Variants in KLHL26 observed in about 807,000 individuals in gnomAD.
The protein encoded by KLHL26 is kelch like family member 26.
KLHL26 carries 4 observed loss-of-function variants against 7.1 expected under a neutral mutation model. That is an observed-to-expected ratio of 0.56 (90% confidence interval 0.28 to 1.28). The LOEUF (loss-of-function observed/expected upper bound fraction) is 1.28, where lower values mean the gene tolerates loss of function less well. KLHL26 is among the 50% of genes most tolerant of loss of function. KLHL26 has a pLI of 0.11. For synonymous variants in KLHL26, 465 were observed against 414.1 expected (o/e 1.12, Z -1.49); for missense variants, 896 against 924.6 (o/e 0.97, Z 0.40).
chr19:18,665,150 G>A (rs1052419250), intron 2 of KLHL26, among the ~76,000 whole-genome samples: 14 of 151,492 alleles, frequency 9.2e-5, no homozygotes, highest in African/African-American at 3.2e-4. Flanking sequence ...TCCGCCTCCC[G>A]GGTTCAAGCG....
intron 1 of KLHL26, among the ~76,000 whole-genome samples, chr19:18,652,525 G>A (rs1600693415): frequency 6.7e-6 from 1 of 149,352 alleles, no homozygotes; most frequent in African/African-American, 2.5e-5. Context: ...GGGAGGTGGA[G>A]GTTGCAGAGA....
In KLHL26 at chr19:18,669,408, C is replaced by A. The variant is rs1372966077; in HGVS notation, c.*163C>A. The A allele has an allele frequency of 3.3e-6, 2 of 611,720 alleles. No individual in the cohort carries two copies. Among genetic ancestry groups the A allele is most frequent in the Admixed American group, 3.0e-5 (1 of 33,588 alleles). The allele number at this position is 611,720 out of a possible 1,614,324, so 37.9% of individuals were successfully genotyped here. A position where few individuals can be genotyped will look rare whatever the true frequency, so the allele number is the denominator to read the frequency against. ...CCCTCCCAGGGGTCCCTCCCTCCCT[C>A]CTTCCCAAAGCAGATCCTGGCTGCG... On this transcript the variant is annotated 3_prime_UTR_variant, in exon 3 of 3. Coordinates refer to ENST00000300976, the MANE Select transcript of KLHL26 (RefSeq NM_018316.3).
intron 1 of KLHL26, among the ~76,000 whole-genome samples, chr19:18,645,288 C>T (rs537504493): frequency 1.3e-5 from 2 of 152,318 alleles, no homozygotes; most frequent in African/African-American, 2.4e-5. Flanking sequence ...TCTGGGGAGT[C>T]GCACCTCCCC....
chr19:18,642,382 T>TGTGTGTGTGTGTGTGTG (rs71168756), intron 1 of KLHL26, among the ~76,000 whole-genome samples: 21 of 150,404 alleles, frequency 1.4e-4, no homozygotes, highest in Middle Eastern at 3.4e-3. Flanking sequence ...TGTGTGTGTG[T>TGTGTGTGTGTGTGTGTG]TTGAGATGGA....
intron 1 of KLHL26, among the ~76,000 whole-genome samples, chr19:18,655,358 T>C (rs1487130674): frequency 6.6e-6 from 1 of 152,200 alleles, no homozygotes; most frequent in Non-Finnish European, 1.5e-5. Flanking sequence ...ATCTGTGTGA[T>C]GGTCACGATC....
At chr19:18,665,596 G>C (rs2052439654) in intron 2 of KLHL26, among the ~76,000 whole-genome samples, 1 of 152,222 alleles carries the variant, frequency 6.6e-6, no homozygotes, top group South Asian at 2.1e-4. Context: ...GTCTCCCTGA[G>C]CTGTGGGCAC....
At chr19:18,655,133 C>A (rs987667019) in intron 1 of KLHL26, among the ~76,000 whole-genome samples, 2 of 152,138 alleles carry the variant, frequency 1.3e-5, no homozygotes, top group African/African-American at 4.8e-5. Flanking sequence ...GCTCTCCCAG[C>A]GGGACCTGGC....
At position 18,664,636 on chromosome 19, in the gene KLHL26, C is replaced by T. The variant is rs2052428370; in HGVS notation, c.266+193C>T. 2.0e-5 allele frequency among the ~76,000 whole-genome samples: 3 copies of T among 151,916 alleles called. 1 individual carries two copies. The South Asian group carries it at 6.2e-4, about 32-fold the overall frequency. ...TCGCGCTGTTGCCCAGGCTGGAGTG[C>T]AGTGGCACAATCTCGGCTCACTGCA... On this transcript the variant is annotated intron_variant, in intron 2 of 2. Coordinates refer to ENST00000300976, the MANE Select transcript of KLHL26 (RefSeq NM_018316.3).
At position 18,656,535 on chromosome 19, in the gene KLHL26, G is replaced by T. The variant is rs1192429853; in HGVS notation, c.84-7726G>T. ...GTCCCCACCCAGCAGGCACAGACAG[G>T]CTGAAGCCAAGGACAGACAGGCAGG... On this transcript the variant is annotated intron_variant, in intron 1 of 2. Transcript: ENST00000300976. This position sits in a 1 kb window ranked among gnomAD's most constrained non-coding sequence, Gnocchi z 4.4. 6.6e-6 allele frequency among the ~76,000 whole-genome samples: 1 copy of T among 152,140 alleles called. No individual in the cohort carries two copies. Among genetic ancestry groups the T allele is most frequent in the Admixed American group, 6.5e-5 (1 of 15,274 alleles).
intron 1 of KLHL26, among the ~76,000 whole-genome samples, chr19:18,661,646 G>C (rs986341490): frequency 2.6e-5 from 4 of 152,012 alleles, no homozygotes; most frequent in Non-Finnish European, 5.9e-5. Context: ...CTCCTTTAAG[G>C]GTGGTTAGCT....
Position 18,669,411 on chromosome 19 carries a change from T to A in KLHL26, c.*166T>A. 1 of 604,532 alleles carries A rather than the reference T, an allele frequency of 1.7e-6. No individual in the cohort carries two copies. The highest frequency in any genetic ancestry group is 2.9e-6 in the Non-Finnish European group (1 of 343,074). 37.4% of individuals were successfully genotyped at this position (604,532 alleles called of 1,614,324 possible). On this transcript the variant is annotated 3_prime_UTR_variant, in exon 3 of 3. Transcript: ENST00000300976. Reference sequence around the variant, plus strand: ...TCCCAGGGGTCCCTCCCTCCCTCCTTCCCAAAGCAGATCCTGGCTGCGAGT... The same window carrying A: ...TCCCAGGGGTCCCTCCCTCCCTCCTACCCAAAGCAGATCCTGGCTGCGAGT...
chr19:18,651,784 C>A (rs917134084), intron 1 of KLHL26, among the ~76,000 whole-genome samples: 1 of 152,262 alleles, frequency 6.6e-6, no homozygotes, highest in Non-Finnish European at 1.5e-5. Flanking sequence ...ACTGGGTTTC[C>A]AAGCGGTGCT....
intron 1 of KLHL26, among the ~76,000 whole-genome samples, chr19:18,641,316 C>CT (rs61471216): frequency 0.57 from 59,794 of 105,090 alleles, 17,295 homozygotes; most frequent in African/African-American, 0.73. Flanking sequence ...GTTGGGTTGC[C>CT]TTTTTTTTTT....
rs781743547 is a variant in KLHL26, at chr19:18,668,159, G to A, written c.762G>A (p.Pro254=). Residue 254 remains proline, a synonymous_variant, in exon 3 of 3, where the codon CCG becomes CCA. Coordinates refer to ENST00000300976, the MANE Select transcript of KLHL26 (RefSeq NM_018316.3). ...ACGTGCTCTGCCACATTCGCTTCCC[G>A]CTCATGCAGTCGTCCGAGCTGGTGG... ...ASHVLCHIRF[P]LMQSSELVDS... 2.1e-5 allele frequency: 33 copies of A among 1,608,482 alleles called. No individual in the cohort carries two copies. In the Admixed American group the frequency reaches 4.0e-4, roughly 20 times the overall value.
intron 1 of KLHL26, among the ~76,000 whole-genome samples, chr19:18,651,315 C>T (rs918315490): frequency 2.6e-5 from 4 of 152,132 alleles, no homozygotes; most frequent in Non-Finnish European, 4.4e-5. Context: ...AGGGAAGGCT[C>T]TGATTGGATC....
chr19:18,638,516 A>G (rs2145365473), intron 1 of KLHL26, among the ~76,000 whole-genome samples: 1 of 152,284 alleles, frequency 6.6e-6, no homozygotes, highest in African/African-American at 2.4e-5. Flanking sequence ...GGTGTGGGGC[A>G]AGATTGTCCT....
intron 1 of KLHL26, among the ~76,000 whole-genome samples, chr19:18,637,744 T>C (rs1976645397): frequency 6.7e-6 from 1 of 150,150 alleles, no homozygotes; most frequent in Non-Finnish European, 1.5e-5. Flanking sequence ...GTGAGAGAAC[T>C]CCAGGGGGTT....
At chr19:18,642,521 A>C (rs914695546) in intron 1 of KLHL26, among the ~76,000 whole-genome samples, 6 of 142,604 alleles carry the variant, frequency 4.2e-5, no homozygotes, top group African/African-American at 1.6e-4. Flanking sequence ...CCTGCCACCA[A>C]GCCTGGCTAA....
intron 1 of KLHL26, among the ~76,000 whole-genome samples, chr19:18,661,942 C>T (rs139437810): frequency 0.026 from 3,890 of 152,240 alleles, 76 homozygotes; most frequent in Middle Eastern, 0.097. Flanking sequence ...TGCAGTGGCA[C>T]AAATATGGCT....
Sources: allele counts gnomAD v4.1 joint callset (sites outside exome capture counted in the v4.1 genomes callset), GRCh38; gene constraint gnomAD v4.1.1; non-coding constraint Gnocchi (gnomAD v3.1); transcripts MANE v1.5; gene names NCBI Gene and HGNC (gene_info 2026-07-23, HGNC 2026-07-21).